The following ATP8A2 variants were observed in gnomAD, a reference collection of about 807,000 sequenced individuals.
ATP8A2 encodes phospholipid-transporting ATPase IB.
A neutral mutation model predicts 165.6 loss-of-function variants in ATP8A2; 100 were observed. The ratio of observed to expected loss-of-function variants is 0.60; its 90% CI spans 0.51 to 0.71. The LOEUF (loss-of-function observed/expected upper bound fraction) is 0.71, where lower values mean the gene tolerates loss of function less well. Among genes scored for constraint, ATP8A2 ranks in the 30% least tolerant of loss-of-function variants. The pLI, the probability that ATP8A2 is intolerant of heterozygous loss-of-function variation, is 0.00. For synonymous variants in ATP8A2, 543 were observed against 548.8 expected (o/e 0.99, Z 0.15); for missense variants, 1,227 against 1,479.5 (o/e 0.83, Z 2.80).
intron 6 of ATP8A2, among the ~76,000 whole-genome samples, chr13:25,536,446 C>G (rs963748073): frequency 6.6e-6 from 1 of 152,170 alleles, no homozygotes; most frequent in African/African-American, 2.4e-5. Flanking sequence ...AAAACACTTT[C>G]AATTGACATA....
At position 25,410,524 on chromosome 13, in the gene ATP8A2, T is replaced by A. The variant is rs138468823; in HGVS notation, c.76+38236T>A. Among the ~76,000 whole-genome samples the A allele has an allele frequency of 1.3e-4, 20 of 152,328 alleles. No individual in the cohort carries two copies. The East Asian group carries it at 3.9e-3, about 29-fold the overall frequency. On this transcript the variant is annotated intron_variant, in intron 1 of 36. Transcript: ENST00000381655. ...CTGTGCATGGTGCATGTCAGTTCAT[T>A]CTAAACAAAGTAAAAGGATTAGTAC...
At chr13:25,674,534 T>C (rs1298912097) in intron 24 of ATP8A2, among the ~76,000 whole-genome samples, 1 of 152,216 alleles carries the variant, frequency 6.6e-6, no homozygotes, top group Non-Finnish European at 1.5e-5. Context: ...ATGGATTCAT[T>C]GCAAGGGCTG....
chr13:25,630,186 TAAACCCAA>T (rs2041206566), intron 24 of ATP8A2, among the ~76,000 whole-genome samples: 3 of 152,300 alleles, frequency 2.0e-5, no homozygotes, highest in Non-Finnish European at 2.9e-5. Context: ...TATGGTCACA[TAAACCCAA>T]AGCTAGGTGG....
chr13:25,931,761 C>G (rs1379300903), intron 33 of ATP8A2, among the ~76,000 whole-genome samples: 1 of 152,014 alleles, frequency 6.6e-6, no homozygotes, highest in Non-Finnish European at 1.5e-5. Flanking sequence ...CAGGGAAAAG[C>G]CAGGGCCAGG....
At chr13:25,943,493 A>G (rs1288683294) in intron 33 of ATP8A2, among the ~76,000 whole-genome samples, 2 of 152,210 alleles carry the variant, frequency 1.3e-5, no homozygotes, top group Non-Finnish European at 2.9e-5. Context: ...TACAGCTTGT[A>G]GTCTACAAGC....
chr13:25,709,595 C>T (rs922550206), intron 25 of ATP8A2, among the ~76,000 whole-genome samples: 2 of 152,132 alleles, frequency 1.3e-5, no homozygotes, highest in African/African-American at 2.4e-5. Context: ...CATGACTATA[C>T]ATTTAAGCTC....
At chr13:25,806,261 G>A (rs564382565) in intron 27 of ATP8A2, among the ~76,000 whole-genome samples, 10 of 152,100 alleles carry the variant, frequency 6.6e-5, no homozygotes, top group Non-Finnish European at 1.5e-4. Context: ...TTGTGCAAGC[G>A]TATTTGGGGT....
chr13:26,015,538 A>AT (rs1414987342), intron 36 of ATP8A2, among the ~76,000 whole-genome samples: 1 of 152,210 alleles, frequency 6.6e-6, no homozygotes, highest in Non-Finnish European at 1.5e-5. Context: ...TTAAGATGCT[A>AT]TCAGAGCACA....
At chr13:25,402,485 T>C (rs548827416) in intron 1 of ATP8A2, among the ~76,000 whole-genome samples, 1 of 152,326 alleles carries the variant, frequency 6.6e-6, no homozygotes, top group East Asian at 1.9e-4. Flanking sequence ...ATCGTTTCTT[T>C]TCTTCTGTGC....
intron 1 of ATP8A2, among the ~76,000 whole-genome samples, chr13:25,426,570 A>G (rs1273272490): frequency 6.6e-6 from 1 of 152,188 alleles, no homozygotes; most frequent in Non-Finnish European, 1.5e-5. Flanking sequence ...TATGGTGGCT[A>G]CATGTCATTA....
intron 26 of ATP8A2, among the ~76,000 whole-genome samples, chr13:25,771,617 A>C (rs1426241189): frequency 6.6e-6 from 1 of 152,208 alleles, no homozygotes; most frequent in African/African-American, 2.4e-5. Flanking sequence ...GCAGGGAGCG[A>C]GGCTTTAAAA....
At chr13:25,421,677 A>C (rs1171801261) in intron 1 of ATP8A2, among the ~76,000 whole-genome samples, 1 of 152,236 alleles carries the variant, frequency 6.6e-6, no homozygotes, top group African/African-American at 2.4e-5. Flanking sequence ...GGAAACTTGA[A>C]AATTACACAA....
intron 25 of ATP8A2, among the ~76,000 whole-genome samples, chr13:25,713,347 A>G (rs1326371259): frequency 6.6e-6 from 1 of 152,148 alleles, no homozygotes; most frequent in Non-Finnish European, 1.5e-5. Flanking sequence ...TCACCAGTTT[A>G]TATGCATTAT....
chr13:25,455,317 G>A (rs2035337050), intron 1 of ATP8A2, among the ~76,000 whole-genome samples: 1 of 152,200 alleles, frequency 6.6e-6, no homozygotes, highest in Admixed American at 6.5e-5. Context: ...ACTCAGCTAT[G>A]ATTCAAGATT....
intron 33 of ATP8A2, among the ~76,000 whole-genome samples, chr13:25,902,183 C>T (rs548549117): frequency 6.6e-6 from 1 of 152,274 alleles, no homozygotes; most frequent in Admixed American, 6.5e-5. Flanking sequence ...AAACCATTCC[C>T]CCGCCATCAC....
chr13:25,782,511 G>C (rs2044906502), intron 27 of ATP8A2, among the ~76,000 whole-genome samples: 1 of 152,240 alleles, frequency 6.6e-6, no homozygotes, highest in Middle Eastern at 3.4e-3. Flanking sequence ...GAAGAGGTGA[G>C]TACAGTCATC....
At chr13:25,684,061 T>C (rs2042550016) in intron 24 of ATP8A2, among the ~76,000 whole-genome samples, 1 of 152,206 alleles carries the variant, frequency 6.6e-6, no homozygotes, top group African/African-American at 2.4e-5. Flanking sequence ...CTTAAAAGGT[T>C]TGAGAGGAAA....
At chr13:25,709,534 A>G (rs1325232119) in intron 25 of ATP8A2, among the ~76,000 whole-genome samples, 1 of 152,160 alleles carries the variant, frequency 6.6e-6, no homozygotes, top group Non-Finnish European at 1.5e-5. Flanking sequence ...TTTTTTCTGA[A>G]ACAGAATAAC....
intron 25 of ATP8A2, among the ~76,000 whole-genome samples, chr13:25,745,545 G>C (rs907241715): frequency 2.6e-5 from 4 of 152,158 alleles, no homozygotes; most frequent in Non-Finnish European, 5.9e-5. Flanking sequence ...TATTTCATTT[G>C]CTTGGTCTAC....
Sources: allele counts gnomAD v4.1 joint callset (sites outside exome capture counted in the v4.1 genomes callset), GRCh38; gene constraint gnomAD v4.1.1; transcripts MANE v1.5; gene names NCBI Gene and HGNC (gene_info 2026-07-23, HGNC 2026-07-21).